Variants in SRGAP2B observed in about 807,000 individuals in gnomAD.
The protein encoded by SRGAP2B is SLIT-ROBO Rho GTPase activating protein 2B, also known as SLIT-ROBO Rho GTPase-activating protein 2B.
SRGAP2B carries 9 observed loss-of-function variants against 22.2 expected under a neutral mutation model. That is an observed-to-expected ratio of 0.41 (90% CI 0.24 to 0.71). The LOEUF (loss-of-function observed/expected upper bound fraction) is 0.71, where lower values mean the gene tolerates loss of function less well. Among genes scored for constraint, SRGAP2B ranks in the 30% least tolerant of loss-of-function variants. The pLI is 0.35. For synonymous variants in SRGAP2B, 36 were observed against 87.4 expected, an observed-to-expected ratio of 0.41 and a Z score of 3.28; for missense variants, 114 against 235.8, an observed-to-expected ratio of 0.48 and a Z score of 3.38.
intron 2 of SRGAP2B, among the ~76,000 whole-genome samples, chr1:145,015,580 A>G (rs1369833182): frequency 1.3e-5 from 2 of 149,694 alleles, no homozygotes; most frequent in African/African-American, 2.5e-5. Flanking sequence ...AGGAGTATAC[A>G]GAAATTGGTC....
intron 4 of SRGAP2B, among the ~76,000 whole-genome samples, chr1:144,931,562 T>A (rs2919084): frequency 6.6e-6 from 1 of 150,894 alleles, no homozygotes; most frequent in Non-Finnish European, 1.5e-5. Flanking sequence ...GAGAATCATA[T>A]AAGCAGAACT....
rs868973727 is a variant in SRGAP2B at position 144,933,266 on chromosome 1, G to A, written c.424-18512C>T. ...ACAGATCCAACTGTCATGACCTCCC[G>A]CCTGGGACATGTAACTATTCCTTCC... On this transcript the variant is annotated intron_variant, in intron 4 of 9. Transcript: ENST00000612199. Among the ~76,000 whole-genome samples, 1,366 of 148,390 alleles carry A rather than the reference G, an allele frequency of 9.2e-3. 61 individuals carry two copies. The highest frequency in any genetic ancestry group is 0.033 in the African/African-American group (1,283 of 39,182).
At chr1:144,999,066 C>T (rs587598594) in intron 2 of SRGAP2B, among the ~76,000 whole-genome samples, 8 of 150,506 alleles carry the variant, frequency 5.3e-5, no homozygotes, top group South Asian at 2.1e-4. Flanking sequence ...TGTGCTTAGG[C>T]GATCATGCAT....
chr1:144,943,406 A>C (rs1209079127), intron 4 of SRGAP2B, among the ~76,000 whole-genome samples: 9 of 151,852 alleles, frequency 5.9e-5, no homozygotes, highest in Non-Finnish European at 1.2e-4. Flanking sequence ...TAGATTACAA[A>C]ATAGTATGTA....
At chr1:144,971,107 T>G (rs1461113394) in intron 3 of SRGAP2B, among the ~76,000 whole-genome samples, 1 of 149,822 alleles carries the variant, frequency 6.7e-6, no homozygotes, top group Non-Finnish European at 1.5e-5. Context: ...CCTACTTCAT[T>G]AGTATACTAA....
chr1:145,083,114 C>T (rs1439322980), intron 2 of SRGAP2B, among the ~76,000 whole-genome samples: 1 of 145,272 alleles, frequency 6.9e-6, no homozygotes, highest in Admixed American at 6.7e-5. Context: ...TACTGATGAA[C>T]TCTGTACAGA....
chr1:144,904,370 C>G (rs1312240180), intron 7 of SRGAP2B, among the ~76,000 whole-genome samples: 2 of 98,128 alleles, frequency 2.0e-5, no homozygotes, highest in African/African-American at 9.1e-5. Flanking sequence ...CACTTCTGTG[C>G]AAGAGAAGCT....
intron 2 of SRGAP2B, among the ~76,000 whole-genome samples, chr1:145,044,897 T>C (rs1259716383): frequency 6.7e-6 from 1 of 148,982 alleles, no homozygotes; most frequent in African/African-American, 2.5e-5. Flanking sequence ...AGATTCTAGG[T>C]CTGGGTAGTA....
intron 2 of SRGAP2B, among the ~76,000 whole-genome samples, chr1:145,039,530 G>T (rs1461670086): frequency 2.9e-5 from 4 of 138,650 alleles, no homozygotes; most frequent in Non-Finnish European, 6.2e-5. Flanking sequence ...AGAATTAAAA[G>T]GCCACAAATG....
chr1:144,997,091 G>A (rs1380966201), intron 2 of SRGAP2B, among the ~76,000 whole-genome samples: 2 of 150,384 alleles, frequency 1.3e-5, no homozygotes, highest in Admixed American at 6.6e-5. Context: ...CATTGAGAGG[G>A]CATTCAGAAT....
intron 2 of SRGAP2B, among the ~76,000 whole-genome samples, chr1:145,014,921 T>C (rs587599664): frequency 3.1e-5 from 1 of 32,318 alleles, no homozygotes; most frequent in Non-Finnish European, 5.2e-5. Context: ...TATTAAATTT[T>C]AAAGTGTATA....
chr1:145,091,296 A>C (rs1653959651), intron 2 of SRGAP2B, among the ~76,000 whole-genome samples: 1 of 31,502 alleles, frequency 3.2e-5, no homozygotes, highest in Non-Finnish European at 4.7e-5. Context: ...GAGCAAATGC[A>C]ATGCATCTGG....
At chr1:144,956,463 T>TC (rs1667275023) in intron 3 of SRGAP2B, among the ~76,000 whole-genome samples, 2 of 131,626 alleles carry the variant, frequency 1.5e-5, no homozygotes, top group Non-Finnish European at 3.2e-5. Context: ...TTTTTTTTTT[T>TC]TTGAGACAAA....
chr1:144,981,291 G>A (rs1669307858), intron 3 of SRGAP2B, among the ~76,000 whole-genome samples: 1 of 86,220 alleles, frequency 1.2e-5, no homozygotes, highest in South Asian at 4.7e-4. Context: ...TTATTATGGG[G>A]CTTACAGGAG....
intron 2 of SRGAP2B, among the ~76,000 whole-genome samples, chr1:145,044,583 C>T (rs1649528452): frequency 8.5e-6 from 1 of 117,690 alleles, no homozygotes; most frequent in African/African-American, 3.4e-5. Flanking sequence ...ACTGTTTAAT[C>T]CGGGTGTTGA....
intron 2 of SRGAP2B, among the ~76,000 whole-genome samples, chr1:145,041,075 G>GTATA (rs370443273): frequency 0.11 from 8,489 of 75,616 alleles, 263 homozygotes; most frequent in Admixed American, 0.15. Flanking sequence ...TATATATATA[G>GTATA]TATATATATA....
At position 144,940,960 on chromosome 1, in the gene SRGAP2B, A is replaced by G. The variant is rs1167182414; in HGVS notation, c.423+14479T>C. 1.3e-5 allele frequency among the ~76,000 whole-genome samples: 2 copies of G among 150,130 alleles called. 1 individual carries two copies. The highest frequency in any genetic ancestry group is 5.0e-5 in the African/African-American group (2 of 40,004). Reference sequence around the variant, plus strand: ...AAATGCTTCTCCAAATGTTAAATGAAAAAAATTACACTAAGCTTAATATAT... The same window carrying G: ...AAATGCTTCTCCAAATGTTAAATGAGAAAAATTACACTAAGCTTAATATAT... On this transcript the variant is annotated intron_variant, in intron 4 of 9. Coordinates refer to ENST00000612199, the Ensembl canonical transcript of SRGAP2B.
chr1:145,025,830 CT>C (rs1647663971), intron 2 of SRGAP2B, among the ~76,000 whole-genome samples: 1 of 150,588 alleles, frequency 6.6e-6, no homozygotes, highest in Admixed American at 6.6e-5. Context: ...AAGCATGTTG[CT>C]TTTCTAATTA....
intron 2 of SRGAP2B, among the ~76,000 whole-genome samples, chr1:145,080,845 C>A (rs1456606462): frequency 4.0e-5 from 6 of 149,572 alleles, no homozygotes; most frequent in African/African-American, 1.5e-4. Context: ...TTGAGGCACC[C>A]AGCCAGGCCG....
Sources: allele counts gnomAD v4.1 joint callset (sites outside exome capture counted in the v4.1 genomes callset), GRCh38; gene constraint gnomAD v4.1.1; transcripts MANE v1.5; gene names NCBI Gene and HGNC (gene_info 2026-07-23, HGNC 2026-07-21).